DYNC1LI1: variants seen among roughly 807,000 people sequenced by gnomAD.
DYNC1LI1 encodes dynein cytoplasmic 1 light intermediate chain 1.
DYNC1LI1 carries 19 observed loss-of-function variants against 63.8 expected under a neutral mutation model. The observed-to-expected ratio is 0.30, with a 90% CI of 0.21 to 0.44. The LOEUF is 0.44. DYNC1LI1 is among the 20% of genes least tolerant of loss of function. The probability of loss-of-function intolerance (pLI) is 1.00; values close to 1 mark genes in which losing one functional copy is unlikely to be tolerated. For missense variants in DYNC1LI1, 565 were observed against 630.2 expected (o/e 0.90, Z 1.11); for synonymous variants, 225 against 232.3 (o/e 0.97, Z 0.28).
At chr3:32,556,625 G>A (rs1385428189) in intron 2 of DYNC1LI1, among the ~76,000 whole-genome samples, 1 of 152,102 alleles carries the variant, frequency 6.6e-6, no homozygotes, top group Non-Finnish European at 1.5e-5. Flanking sequence ...GCTCACTGCA[G>A]CCTCAACCTC....
In DYNC1LI1 at chr3:32,561,628, C is replaced by CA. The variant is rs562836430; in HGVS notation, c.220+8717dup. Among the ~76,000 whole-genome samples the CA allele has an allele frequency of 3.9e-3, 494 of 127,704 alleles. 3 individuals are homozygous for CA. The highest frequency in any genetic ancestry group is 0.021 in the Middle Eastern group (5 of 238). 83.8% of individuals were successfully genotyped at this position (127,704 alleles called of 152,430 possible). On this transcript the variant is annotated intron_variant, in intron 2 of 12. Coordinates refer to ENST00000273130, the MANE Select transcript of DYNC1LI1 (RefSeq NM_016141.4). ...TGGGTGACAGAGCGAGACTTCATCT[C>CA]AAAAAAAAAAAAAGTAAAATAGTAT...
intron 2 of DYNC1LI1, among the ~76,000 whole-genome samples, chr3:32,553,017 C>T (rs1260524548): frequency 1.3e-5 from 2 of 152,138 alleles, no homozygotes; most frequent in East Asian, 3.9e-4. Context: ...TTCTAAGCCT[C>T]CTACAGAGCA....
intron 8 of DYNC1LI1, chr3:32,531,917 C>T (rs1238153859): frequency 3.3e-5 from 5 of 152,018 alleles, no homozygotes; most frequent in South Asian, 2.1e-4. Flanking sequence ...GTTCAGCATC[C>T]GTAATCTGAA....
At position 32,551,012 on chromosome 3, in the gene DYNC1LI1, AAAAAG is replaced by A. The variant is rs1382310809; in HGVS notation, c.221-5052_221-5048del. ...ATTTTAACAGCAAATTAAAAAAAAA[AAAAAG>A]AAAACCACTGCATTAAACATTTATT... On this transcript the variant is annotated intron_variant, in intron 2 of 12. Coordinates refer to ENST00000273130, the MANE Select transcript of DYNC1LI1 (RefSeq NM_016141.4). Among the ~76,000 whole-genome samples the A allele has an allele frequency of 9.9e-5, 15 of 152,116 alleles. No homozygotes were observed. The East Asian group carries it at 2.7e-3, about 27-fold the overall frequency.
At chr3:32,559,383 G>A (rs944494676) in intron 2 of DYNC1LI1, among the ~76,000 whole-genome samples, 1 of 152,064 alleles carries the variant, frequency 6.6e-6, no homozygotes, top group Non-Finnish European at 1.5e-5. Context: ...TGACACTACA[G>A]GTGCATCCAC....
chr3:32,560,256 G>A (rs1021173685), intron 2 of DYNC1LI1, among the ~76,000 whole-genome samples: 2 of 151,966 alleles, frequency 1.3e-5, no homozygotes, highest in African/African-American at 4.8e-5. Flanking sequence ...CCAACAATGT[G>A]AAACCCCATC....
chr3:32,566,289 G>A (rs553381646), intron 2 of DYNC1LI1, among the ~76,000 whole-genome samples: 2 of 152,064 alleles, frequency 1.3e-5, no homozygotes, highest in East Asian at 1.9e-4. Flanking sequence ...AAAATTCTGT[G>A]TCTGTTTCCT....
intron 3 of DYNC1LI1, chr3:32,545,603 G>C (rs1697941783): frequency 6.7e-6 from 3 of 445,856 alleles, no homozygotes; most frequent in Non-Finnish European, 7.9e-6. Flanking sequence ...GAAAAACTGA[G>C]ATTCTTCAAG....
In DYNC1LI1 at chr3:32,561,025, A is replaced by C. The variant is rs1488638444; in HGVS notation, c.220+9321T>G. ...CTCAAAAAAAAAAAAAAAAAAAAAA[A>C]AAAAAAAACAAACAAAAAAAACACA... On this transcript the variant is annotated intron_variant, in intron 2 of 12. Coordinates refer to ENST00000273130, the MANE Select transcript of DYNC1LI1 (RefSeq NM_016141.4). Among the ~76,000 whole-genome samples the C allele has an allele frequency of 4.6e-3, 644 of 140,376 alleles. 17 individuals are homozygous for C. The highest frequency in any genetic ancestry group is 0.018 in the African/African-American group (613 of 33,542). The allele number at this position is 140,376 out of a possible 152,430, so 92.1% of individuals were successfully genotyped here. A position where few individuals can be genotyped will look rare whatever the true frequency, so the allele number is the denominator to read the frequency against.
rs72860515 is a variant in DYNC1LI1, at chr3:32,530,919, T to C, written c.1081-399A>G. On this transcript the variant is annotated intron_variant, in intron 8 of 12. Transcript: ENST00000273130. The stretch of plus-strand genomic sequence containing the variant: ...AGCATATTAATCATGCTTATAAAAT[T>C]TGCTAAACAGCAGTTAGGGTGTTTT... The C allele has an allele frequency of 2.5e-3, 397 of 158,044 alleles. 1 individual carries two copies. The highest frequency in any genetic ancestry group is 9.0e-3 in the African/African-American group (377 of 41,726). 9.8% of individuals were successfully genotyped at this position (158,044 alleles called of 1,614,324 possible). A position where few individuals can be genotyped will look rare whatever the true frequency, so the allele number is the denominator to read the frequency against.
intron 2 of DYNC1LI1, among the ~76,000 whole-genome samples, chr3:32,556,909 G>T (rs1698122479): frequency 6.6e-6 from 1 of 152,040 alleles, no homozygotes; most frequent in African/African-American, 2.4e-5. Context: ...GCTTGTCCTG[G>T]CCATTTACCA....
chr3:32,537,759 T>G (rs1309090137), intron 5 of DYNC1LI1, among the ~76,000 whole-genome samples: 1 of 147,304 alleles, frequency 6.8e-6, no homozygotes, highest in Non-Finnish European at 1.5e-5. Context: ...TCCAAATAAT[T>G]TCACCAAAAC....
At chr3:32,557,243 C>A (rs191152088) in intron 2 of DYNC1LI1, among the ~76,000 whole-genome samples, 1 of 152,156 alleles carries the variant, frequency 6.6e-6, no homozygotes, top group Non-Finnish European at 1.5e-5. Flanking sequence ...TTGCTGGGCA[C>A]GGTGGCTTAG....
chr3:32,567,366 C>T (rs1698277124), intron 2 of DYNC1LI1, among the ~76,000 whole-genome samples: 1 of 152,182 alleles, frequency 6.6e-6, no homozygotes, highest in East Asian at 1.9e-4. Context: ...ACATACATGA[C>T]CCTTTACTCC....
At chr3:32,567,839 G>A (rs975338288) in intron 2 of DYNC1LI1, among the ~76,000 whole-genome samples, 2 of 152,026 alleles carry the variant, frequency 1.3e-5, no homozygotes, top group Non-Finnish European at 2.9e-5. Flanking sequence ...GAGTAACTGG[G>A]ATTACAGGTG....
chr3:32,559,609 A>G (rs1308797843), intron 2 of DYNC1LI1, among the ~76,000 whole-genome samples: 1 of 152,190 alleles, frequency 6.6e-6, no homozygotes, highest in Non-Finnish European at 1.5e-5. Flanking sequence ...AAAAATCAGT[A>G]GTCAAAGCAA....
intron 5 of DYNC1LI1, among the ~76,000 whole-genome samples, chr3:32,537,984 T>TATATATATATAATTTATATATATA (rs59153893): frequency 8.5e-5 from 2 of 23,572 alleles, no homozygotes; most frequent in South Asian, 7.1e-4. Context: ...TTATATATAA[T>TATATATATATAATTTATATATATA]ATATATATAT....
At chr3:32,546,257 A>T (rs1392420994) in intron 2 of DYNC1LI1, among the ~76,000 whole-genome samples, 1 of 152,094 alleles carries the variant, frequency 6.6e-6, no homozygotes. Flanking sequence ...AAAGTAGAAA[A>T]ATTAGTCAGG....
At chr3:32,546,661 G>A (rs1697957031) in intron 2 of DYNC1LI1, among the ~76,000 whole-genome samples, 1 of 152,050 alleles carries the variant, frequency 6.6e-6, no homozygotes, top group Non-Finnish European at 1.5e-5. Context: ...ACTCTTAATT[G>A]GCCCAGTTTG....
Sources: allele counts gnomAD v4.1 joint callset (sites outside exome capture counted in the v4.1 genomes callset), GRCh38; gene constraint gnomAD v4.1.1; transcripts MANE v1.5; gene names NCBI Gene and HGNC (gene_info 2026-07-23, HGNC 2026-07-21).